Variants in TSPAN9 observed in about 807,000 individuals in gnomAD.
TSPAN9 encodes tetraspanin 9.
Under a neutral mutation model 31.0 loss-of-function variants are expected in TSPAN9, and 16 were observed. The observed-to-expected ratio is 0.52, with a 90% confidence interval of 0.35 to 0.78. The LOEUF (loss-of-function observed/expected upper bound fraction) is 0.78. Ranked by LOEUF, TSPAN9 falls within the 30% of genes least tolerant of loss-of-function variation. The probability of loss-of-function intolerance (pLI) is 0.01; values close to 1 mark genes in which losing one functional copy is unlikely to be tolerated. For missense variants in TSPAN9, 272 were observed against 312.5 expected (o/e 0.87, Z 0.98); for synonymous variants, 145 against 121.6 (o/e 1.19, Z -1.27).
chr12:3,220,240 T>G (rs114121132), intron 3 of TSPAN9, among the ~76,000 whole-genome samples: 3,508 of 152,230 alleles, frequency 0.023, 130 homozygotes, highest in African/African-American at 0.08. Flanking sequence ...GCTGACACCG[T>G]GCTGTGCCGT....
chr12:3,113,029 A>T (rs1041109080), intron 2 of TSPAN9, among the ~76,000 whole-genome samples: 2 of 151,894 alleles, frequency 1.3e-5, no homozygotes, highest in East Asian at 1.9e-4. Flanking sequence ...TTCTATATTG[A>T]CCCACTGATT....
chr12:3,109,780 A>G (rs934645732), intron 2 of TSPAN9, among the ~76,000 whole-genome samples: 6 of 143,782 alleles, frequency 4.2e-5, no homozygotes, highest in African/African-American at 1.6e-4. Flanking sequence ...CCTGGGCAAC[A>G]AGAGCAAAAC....
At chr12:3,268,716 G>T in intron 3 of TSPAN9, among the ~76,000 whole-genome samples, 1 of 102,866 alleles carries the variant, frequency 9.7e-6, no homozygotes, top group African/African-American at 3.7e-5. Flanking sequence ...GTGCGTTCCT[G>T]CAGCCTGCCC....
chr12:3,082,658 A>G (rs1020841476), intron 1 of TSPAN9, among the ~76,000 whole-genome samples: 20 of 152,286 alleles, frequency 1.3e-4, no homozygotes, highest in African/African-American at 4.6e-4. Flanking sequence ...TGAGGAGGCA[A>G]TGAACCTGAG....
At chr12:3,201,496 C>T (rs2098371802) in intron 3 of TSPAN9, among the ~76,000 whole-genome samples, 1 of 152,150 alleles carries the variant, frequency 6.6e-6, no homozygotes, top group African/African-American at 2.4e-5. Context: ...ACTTGCTCTA[C>T]TCCTAGGAGG....
intron 1 of TSPAN9, among the ~76,000 whole-genome samples, chr12:3,081,844 G>GTGTGTATATATA (rs57812985): frequency 8.6e-5 from 10 of 116,738 alleles, no homozygotes; most frequent in African/African-American, 2.9e-4. Flanking sequence ...GTCTGTGTGT[G>GTGTGTATATATA]TATATATATG....
chr12:3,156,461 A>G (rs2098342326), intron 2 of TSPAN9, among the ~76,000 whole-genome samples: 1 of 151,056 alleles, frequency 6.6e-6, no homozygotes, highest in African/African-American at 2.4e-5. Context: ...GGAGTTTGGG[A>G]TCTAGGCAAG....
At position 3,245,795 on chromosome 12, in the gene TSPAN9, G is replaced by A. The variant is rs536041629; in HGVS notation, c.64-32626G>A. Among the ~76,000 whole-genome samples the A allele has an allele frequency of 1.6e-3, 249 of 152,258 alleles. 1 individual carries two copies. Among genetic ancestry groups the A allele is most frequent in the Non-Finnish European group, 1.7e-3 (113 of 68,020 alleles). ...ATGCTGTATCTTATCTGCATTTTTG[G>A]TAACTGGTGGAGGTCTCCAATTCCT... On this transcript the variant is annotated intron_variant, in intron 3 of 8. Transcript: ENST00000011898.
chr12:3,162,672 C>G (rs892081244), intron 2 of TSPAN9, among the ~76,000 whole-genome samples: 1 of 152,172 alleles, frequency 6.6e-6, no homozygotes, highest in Non-Finnish European at 1.5e-5. Flanking sequence ...TCTAACCCTG[C>G]TTTTGGGCCA....
At chr12:3,098,002 C>T (rs762317434) in intron 2 of TSPAN9, among the ~76,000 whole-genome samples, 114 of 152,214 alleles carry the variant, frequency 7.5e-4, no homozygotes, top group Non-Finnish European at 1.0e-3. Flanking sequence ...CTAGTGTGGA[C>T]GTGTGGAGAC....
At chr12:3,244,294 C>T (rs1421879249) in intron 3 of TSPAN9, among the ~76,000 whole-genome samples, 1 of 152,156 alleles carries the variant, frequency 6.6e-6, no homozygotes, top group Non-Finnish European at 1.5e-5. Flanking sequence ...TTATCCTCCC[C>T]CTGCACTTCC....
intron 2 of TSPAN9, among the ~76,000 whole-genome samples, chr12:3,109,122 AG>A (rs2098316427): frequency 1.3e-5 from 2 of 151,550 alleles, no homozygotes; most frequent in East Asian, 3.9e-4. Flanking sequence ...TTTTTAGTAG[AG>A]ACGGGGGTTT....
At chr12:3,195,892 C>T (rs1305691871) in intron 2 of TSPAN9, among the ~76,000 whole-genome samples, 1 of 152,258 alleles carries the variant, frequency 6.6e-6, no homozygotes, top group African/African-American at 2.4e-5. Flanking sequence ...CCACCCACTT[C>T]AGAGAGCCCT....
intron 3 of TSPAN9, among the ~76,000 whole-genome samples, chr12:3,207,846 T>A (rs1397735837): frequency 6.6e-6 from 1 of 152,148 alleles, no homozygotes; most frequent in African/African-American, 2.4e-5. Context: ...TTCTTTCCAC[T>A]CCAGGGGTTC....
At chr12:3,141,018 G>A (rs1565590343) in intron 2 of TSPAN9, among the ~76,000 whole-genome samples, 1 of 151,838 alleles carries the variant, frequency 6.6e-6, no homozygotes, top group Non-Finnish European at 1.5e-5. Context: ...AGTAGGGGAG[G>A]GAGGGGGAAT....
At chr12:3,219,688 C>G (rs993636165) in intron 3 of TSPAN9, among the ~76,000 whole-genome samples, 1 of 151,988 alleles carries the variant, frequency 6.6e-6, no homozygotes, top group African/African-American at 2.4e-5. Flanking sequence ...AGGGGAACAT[C>G]ACACACCCTG....
At chr12:3,085,120 C>T (rs1004252077) in intron 2 of TSPAN9, among the ~76,000 whole-genome samples, 6 of 151,844 alleles carry the variant, frequency 4.0e-5, no homozygotes, top group East Asian at 1.9e-4. Context: ...CAGTGGCTCA[C>T]GCCTGGAATC....
intron 3 of TSPAN9, among the ~76,000 whole-genome samples, chr12:3,254,879 A>G (rs2153978480): frequency 6.6e-6 from 1 of 152,290 alleles, no homozygotes. Flanking sequence ...ATTTCTGTCT[A>G]CGGTTTGTGA....
chr12:3,122,934 T>C (rs2098325800), intron 2 of TSPAN9, among the ~76,000 whole-genome samples: 1 of 152,156 alleles, frequency 6.6e-6, no homozygotes, highest in Non-Finnish European at 1.5e-5. Flanking sequence ...CCCAGGCACT[T>C]GGAGGCAGGA....
Sources: allele counts gnomAD v4.1 joint callset (sites outside exome capture counted in the v4.1 genomes callset), GRCh38; gene constraint gnomAD v4.1.1; transcripts MANE v1.5; gene names NCBI Gene and HGNC (gene_info 2026-07-23, HGNC 2026-07-21).